Variants in ABTB1 observed in about 807,000 individuals in gnomAD.
ABTB1 encodes ankyrin repeat and BTB domain containing 1.
Under a neutral mutation model 57.1 loss-of-function variants are expected in ABTB1, and 45 were observed. The ratio of observed to expected loss-of-function variants is 0.79; its 90% CI spans 0.62 to 1.01. The LOEUF (loss-of-function observed/expected upper bound fraction) is 1.01, where lower values mean the gene tolerates loss of function less well. Among genes scored for constraint, ABTB1 ranks in the 50% least tolerant of loss-of-function variants. The probability of loss-of-function intolerance (pLI) is 0.00; values close to 1 mark genes in which losing one functional copy is unlikely to be tolerated. For synonymous variants in ABTB1, 302 were observed against 275.4 expected, an observed-to-expected ratio of 1.10 and a Z score of -0.95; for missense variants, 630 against 666.3, an observed-to-expected ratio of 0.95 and a Z score of 0.60.
At chr3:127,675,685 T>A in intron 3 of ABTB1, 1 of 503,536 alleles carries the variant, frequency 2.0e-6, no homozygotes, top group South Asian at 2.5e-5. Flanking sequence ...TTCACTGCTG[T>A]GCTCCAGTGT....
intron 9 of ABTB1, 21 bp from the exon 10 acceptor site, chr3:127,677,655 C>T: frequency 6.2e-7 from 1 of 1,612,014 alleles, no homozygotes; most frequent in Non-Finnish European, 8.5e-7. Context: ...CCTCACACTT[C>T]CTGAGCCCGG....
At chr3:127,679,283 T>G (rs1289237656) in intron 10 of ABTB1, 1 of 338,596 alleles carries the variant, frequency 3.0e-6, no homozygotes, top group South Asian at 2.2e-5. Context: ...TAAGGCCTTG[T>G]GCAGATGCAT....
At chr3:127,675,356 C>T (rs139191530) in intron 3 of ABTB1, 1 of 146,736 alleles carries the variant, frequency 6.8e-6, no homozygotes, top group Non-Finnish European at 1.5e-5. Flanking sequence ...CAGCCTTAAC[C>T]TCCCAGGCTC....
rs2074993093 is a variant in ABTB1, at chr3:127,676,773, C to T, written c.526+192C>T. Reference sequence around the variant, plus strand: ...GCCTGCTCAGGAAGAGCTTGTCCCACCCACATGCTGAGGCCCTCCCATCTG... The same window carrying T: ...GCCTGCTCAGGAAGAGCTTGTCCCATCCACATGCTGAGGCCCTCCCATCTG... On this transcript the variant is annotated intron_variant, in intron 6 of 11. Transcript: ENST00000232744. The surrounding 1 kb of genome is among the most constrained non-coding windows in gnomAD (Gnocchi z 5.4). 9.4e-6 allele frequency: 8 copies of T among 849,820 alleles called. No homozygotes were observed. The South Asian group carries it at 1.2e-4, about 13-fold the overall frequency. 52.6% of individuals were successfully genotyped at this position (849,820 alleles called of 1,614,324 possible).
intron 1 of ABTB1, chr3:127,673,988 G>A (rs1316360873): frequency 2.2e-5 from 6 of 270,658 alleles, no homozygotes; most frequent in Non-Finnish European, 4.4e-5. Context: ...CACACCATCA[G>A]GAGGCCTGCA....
Position 127,676,792 on chromosome 3 carries a change from C to G in ABTB1, c.527-175C>G. 1.2e-5 allele frequency: 10 copies of G among 820,664 alleles called. No individual in the cohort carries two copies. The highest frequency in any genetic ancestry group is 1.9e-5 in the Non-Finnish European group (10 of 528,108). The allele number at this position is 820,664 out of a possible 1,614,324, so 50.8% of individuals were successfully genotyped here. On this transcript the variant is annotated intron_variant, in intron 6 of 11. Coordinates refer to ENST00000232744, the MANE Select transcript of ABTB1 (RefSeq NM_172027.3). This position sits in a 1 kb window ranked among gnomAD's most constrained non-coding sequence, Gnocchi z 5.4. ...GTCCCACCCACATGCTGAGGCCCTC[C>G]CATCTGTTCCCTGGGGCCTGTAGAA...
At position 127,676,434 on chromosome 3, in the gene ABTB1, A is replaced by G. The variant is rs2074985621; in HGVS notation, c.480+3A>G. ...TCGTGGTTCTCAGGCACCCACTGGT[A>G]TGTCCCTTCAGGGTGGCAGAGGGGC... On this transcript the variant is annotated splice_donor_region_variant and intron_variant, in intron 5 of 11. Coordinates refer to ENST00000232744, the MANE Select transcript of ABTB1 (RefSeq NM_172027.3). The surrounding 1 kb of genome is among the most constrained non-coding windows in gnomAD (Gnocchi z 5.4). 4 of 1,614,052 alleles carry G rather than the reference A, an allele frequency of 2.5e-6. No homozygotes were observed. The highest frequency in any genetic ancestry group is 3.4e-6 in the Non-Finnish European group (4 of 1,179,966).
rs914402126 is a variant in ABTB1, at chr3:127,677,461, C to G, written c.763-4C>G. On this transcript the variant is annotated splice_polypyrimidine_tract_variant and splice_region_variant and intron_variant, in intron 8 of 11. Coordinates refer to ENST00000232744, the MANE Select transcript of ABTB1 (RefSeq NM_172027.3). ...CTGATGGGGTCACCTCTTCTGTACC[C>G]CAGGGTGATCTTTGGGAGCTGCCCT... 1 of 1,614,072 alleles carries G rather than the reference C, an allele frequency of 6.2e-7. No homozygotes were observed. Among genetic ancestry groups the G allele is most frequent in the Non-Finnish European group, 8.5e-7 (1 of 1,179,992 alleles).
In ABTB1 at chr3:127,676,170, G is replaced by A; in HGVS notation, c.320+56G>A. 1.2e-6 allele frequency: 2 copies of A among 1,607,970 alleles called. No homozygotes were observed. Among genetic ancestry groups the A allele is most frequent in the East Asian group, 4.5e-5 (2 of 44,716 alleles). On this transcript the variant is annotated intron_variant, in intron 4 of 11. Transcript: ENST00000232744. This position sits in a 1 kb window ranked among gnomAD's most constrained non-coding sequence, Gnocchi z 5.4. ...GGGGTGCGGTGGCCCTGGTGGGTGT[G>A]GCGAGTCTGCTCTGACTGTGGCCTG... is the stretch of plus-strand genomic sequence containing the variant.
rs777038017 is a variant in ABTB1, at chr3:127,680,059, C to A, written c.1104C>A (p.Cys368Ter). The A allele has an allele frequency of 1.2e-6, 2 of 1,613,678 alleles. No individual in the cohort carries two copies. Among genetic ancestry groups the A allele is most frequent in the Admixed American group, 1.7e-5 (1 of 60,010 alleles). ...MYLLPGLKRL[C>*]GRSLAQMLDE... ...TGCTGCCAGGCCTGAAGAGGCTGTG[C>A]GGCCGCAGCCTGGCTCAGATGCTAG... is the stretch of plus-strand genomic sequence containing the variant. Residue 368 changes from cysteine (C) to a stop codon, truncating the protein, a stop_gained, in exon 11 of 12, where the codon TGC becomes TGA. Coordinates refer to ENST00000232744, the MANE Select transcript of ABTB1 (RefSeq NM_172027.3). LOFTEE classifies it high-confidence loss of function.
Position 127,676,978 on chromosome 3 carries a change from A to T in ABTB1, c.538A>T (p.Ile180Phe). 6.2e-7 allele frequency: 1 copy of T among 1,613,654 alleles called. No individual in the cohort carries two copies. Among genetic ancestry groups the T allele is most frequent in the Non-Finnish European group, 8.5e-7 (1 of 1,179,814 alleles). ...CCCACTGCCCCCAGGCCGCCTGGAC[A>T]TTGGCGTAGAGCATGTGAGTGACTG... ...LQYLYTGRLD[I>F]GVEHVSDCER... The change falls in exon 7 of 12, where the codon ATT becomes TTT. Residue 180 changes from isoleucine (I) to phenylalanine (F), a missense_variant. By Grantham distance (21) the Ile-to-Phe change is conservative. Transcript: ENST00000232744. The surrounding 1 kb of genome is among the most constrained non-coding windows in gnomAD (Gnocchi z 5.4).
rs761548923 is a variant in ABTB1, at chr3:127,680,588, G to C, written c.*113G>C. On this transcript the variant is annotated 3_prime_UTR_variant, in exon 12 of 12. Transcript: ENST00000232744. The stretch of plus-strand genomic sequence containing the variant: ...CTGCACATTGAGGGCTTCATGGGGG[G>C]TGCGAGGGGCTCAGTGGGGCTTCTC... The C allele has an allele frequency of 3.0e-6, 4 of 1,340,338 alleles. No homozygotes were observed. The highest frequency in any genetic ancestry group is 4.2e-6 in the Non-Finnish European group (4 of 946,878). The allele number at this position is 1,340,338 out of a possible 1,614,324, so 83.0% of individuals were successfully genotyped here. A position where few individuals can be genotyped will look rare whatever the true frequency, so the allele number is the denominator to read the frequency against.
At position 127,680,495 on chromosome 3, in the gene ABTB1, C is replaced by CT. The variant is rs769501572; in HGVS notation, c.*20_*21insT. On this transcript the variant is annotated 3_prime_UTR_variant, in exon 12 of 12. Transcript: ENST00000232744. The stretch of plus-strand genomic sequence containing the variant: ...TGTTGAGCCCCTGGCTGGGCAGCCC[C>CT]AGGGGCCAGGAGCTCTCTTGGAGAC... 7.5e-6 allele frequency: 12 copies of CT among 1,596,526 alleles called. No individual in the cohort carries two copies. Among genetic ancestry groups the CT allele is most frequent in the East Asian group, 6.7e-5 (3 of 44,640 alleles).
rs756318502 is a variant in ABTB1, at chr3:127,677,225, ACCCCCGCCT to A, written c.704_712del (p.Pro235_Leu237del). ...CTGACCATCGAGCCCCCACCTGCAG[ACCCCCGCCT>A]CCGGGAGGACATGGCGCTGCTGGCC... On this transcript the variant is annotated inframe_deletion, in exon 8 of 12. Transcript: ENST00000232744. 6.2e-7 allele frequency: 1 copy of A among 1,606,318 alleles called. No individual in the cohort carries two copies. The highest frequency in any genetic ancestry group is 1.7e-5 in the Admixed American group (1 of 58,796).
In ABTB1 at chr3:127,677,818, A is replaced by G. The variant is rs1309077574; in HGVS notation, c.1004A>G (p.Tyr335Cys). The change falls in exon 10 of 12, where the codon TAC becomes TGC. Residue 335 changes from tyrosine (Y) to cysteine (C), a missense_variant. Physicochemically the swap from Tyr to Cys is radical, Grantham distance 194. Coordinates refer to ENST00000232744, the MANE Select transcript of ABTB1 (RefSeq NM_172027.3). Reference sequence around the variant, plus strand: ...CCCGACGTCTTCACTCACGTGCTCTACTACATGTACAGCGACCACACTGAG... The same window carrying G: ...CCCGACGTCTTCACTCACGTGCTCTGCTACATGTACAGCGACCACACTGAG... ...ISPDVFTHVL[Y>C]YMYSDHTELS... 4 of 1,612,342 alleles carry G rather than the reference A, an allele frequency of 2.5e-6. No individual in the cohort carries two copies. Among genetic ancestry groups the G allele is most frequent in the East Asian group, 2.2e-5 (1 of 44,886 alleles).
chr3:127,674,711 C>G, intron 3 of ABTB1, 111 bp downstream of exon 3: 1 of 1,301,456 alleles, frequency 7.7e-7, no homozygotes, highest in South Asian at 1.2e-5. Context: ...TTGCAAAGCA[C>G]CACGATTCCT....
rs375159643 is a variant in ABTB1 at position 127,676,449 on chromosome 3, G to T, written c.480+18G>T. ...ACCCACTGGTATGTCCCTTCAGGGTGGCAGAGGGGCATGAACTGTCCAGGA... is the reference window on the plus strand; with the variant it reads ...ACCCACTGGTATGTCCCTTCAGGGTTGCAGAGGGGCATGAACTGTCCAGGA... On this transcript the variant is annotated intron_variant, in intron 5 of 11. Coordinates refer to ENST00000232744, the MANE Select transcript of ABTB1 (RefSeq NM_172027.3). This position sits in a 1 kb window ranked among gnomAD's most constrained non-coding sequence, Gnocchi z 5.4. 14 of 1,614,000 alleles carry T rather than the reference G, an allele frequency of 8.7e-6. No homozygotes were observed. Among genetic ancestry groups the T allele is most frequent in the Non-Finnish European group, 1.2e-5 (14 of 1,179,914 alleles).
chr3:127,677,217 A>G lies in ABTB1; in HGVS notation c.693A>G (p.Pro231=), dbSNP rs141310226. ...TCVKVLTIEP[P]PADPRLREDM... ...TGAAGGTGCTGACCATCGAGCCCCC[A>G]CCTGCAGACCCCCGCCTCCGGGAGG... The change falls in exon 8 of 12, where the codon CCA becomes CCG. Residue 231 remains proline, a synonymous_variant. Transcript: ENST00000232744. 17 of 1,609,134 alleles carry G rather than the reference A, an allele frequency of 1.1e-5. No homozygotes were observed. The African/African-American group carries it at 2.3e-4, about 22-fold the overall frequency.
At position 127,676,933 on chromosome 3, in the gene ABTB1, T is replaced by A. The variant is rs190694529; in HGVS notation, c.527-34T>A. The stretch of plus-strand genomic sequence containing the variant: ...TCTGTGGGCCTGATGACAGCTGAGG[T>A]CCCGCAGGCCCTCATCCTCCCCACT... On this transcript the variant is annotated intron_variant, in intron 6 of 11. Transcript: ENST00000232744. This position sits in a 1 kb window ranked among gnomAD's most constrained non-coding sequence, Gnocchi z 5.4. 186 of 1,585,938 alleles carry A rather than the reference T, an allele frequency of 1.2e-4. 1 individual carries two copies. The African/African-American group carries it at 2.3e-3, about 19-fold the overall frequency.
Sources: allele counts gnomAD v4.1 joint callset, GRCh38; gene constraint gnomAD v4.1.1; non-coding constraint Gnocchi (gnomAD v3.1); transcripts MANE v1.5; gene names NCBI Gene and HGNC (gene_info 2026-07-23, HGNC 2026-07-21).